Variants in PSMG4 observed in about 807,000 individuals in gnomAD.
The protein encoded by PSMG4 is proteasome assembly chaperone 4.
Under a neutral mutation model 11.0 loss-of-function variants are expected in PSMG4, and 10 were observed. The ratio of observed to expected loss-of-function variants is 0.91; its 90% confidence interval spans 0.56 to 1.54. The LOEUF (loss-of-function observed/expected upper bound fraction) is 1.54, where lower values mean the gene tolerates loss of function less well. PSMG4 is among the 40% of genes most tolerant of loss of function. PSMG4 has a pLI of 0.00. For missense variants in PSMG4, 198 were observed against 160.9 expected, an observed-to-expected ratio of 1.23 and a Z score of -1.25; for synonymous variants, 95 against 71.3, an observed-to-expected ratio of 1.33 and a Z score of -1.68.
At chr6:3,260,474 A>G (rs1757948423) in intron 1 of PSMG4, among the ~76,000 whole-genome samples, 1 of 151,590 alleles carries the variant, frequency 6.6e-6, no homozygotes, top group South Asian at 2.1e-4. Flanking sequence ...GTTTCAGTAG[A>G]GCTGAGGTTT....
At chr6:3,254,805 C>G (rs1347937482), upstream of PSMG4, among the ~76,000 whole-genome samples, 2 of 152,190 alleles carry the variant, frequency 1.3e-5, no homozygotes, top group Non-Finnish European at 2.9e-5. Flanking sequence ...GTCAGAGCAA[C>G]AAGACACCAA....
At chr6:3,260,275 T>TTTTATATATATA (rs1261021278) in intron 1 of PSMG4, among the ~76,000 whole-genome samples, 3 of 69,096 alleles carry the variant, frequency 4.3e-5, no homozygotes, top group African/African-American at 1.9e-4. Flanking sequence ...TTGTCTTAAA[T>TTTTATATATATA]TGTATATATA....
chr6:3,254,975 G>A (rs1334382227), upstream of PSMG4: 9 of 1,422,186 alleles, frequency 6.3e-6, no homozygotes, highest in Non-Finnish European at 8.4e-6. Context: ...ATGTGATGTG[G>A]CTGTGGATCC....
At chr6:3,261,505 C>T (rs1232846241) in intron 1 of PSMG4, among the ~76,000 whole-genome samples, 1 of 152,184 alleles carries the variant, frequency 6.6e-6, no homozygotes, top group Non-Finnish European at 1.5e-5. Context: ...TCACCCGACC[C>T]CATGGTGGTC....
chr6:3,267,501 C>T, intron 2 of PSMG4, 90 bp from the exon 3 acceptor site: 1 of 1,446,988 alleles, frequency 6.9e-7, no homozygotes, highest in Non-Finnish European at 9.3e-7. Context: ...CATCCTCTTT[C>T]TGAGCATTTC....
At chr6:3,258,170 C>T (rs375356598), upstream of PSMG4, among the ~76,000 whole-genome samples, 50 of 74,184 alleles carry the variant, frequency 6.7e-4, 1 homozygote, top group East Asian at 0.013. Context: ...ATAGGTATGA[C>T]AATGGGATGA....
chr6:3,259,468 C>T (rs1428109689), intron 1 of PSMG4, among the ~76,000 whole-genome samples: 1 of 152,374 alleles, frequency 6.6e-6, no homozygotes, highest in South Asian at 2.1e-4. Flanking sequence ...TTGGGTCTGT[C>T]CTCGCCACAC....
rs185733665 is a variant in PSMG4, at chr6:3,260,640, C to T, written c.174+1444C>T. Among the ~76,000 whole-genome samples, 30 of 152,164 alleles carry T rather than the reference C, an allele frequency of 2.0e-4. 1 individual carries two copies. The highest frequency in any genetic ancestry group is 2.0e-3 in the Admixed American group (30 of 15,282). The stretch of plus-strand genomic sequence containing the variant: ...ATAGGCGTTAGCCGCCGCGCCTGGT[C>T]TAAATTACATCTTATTTACATCTGC... On this transcript the variant is annotated intron_variant, in intron 1 of 2. Coordinates refer to ENST00000438998, the MANE Select transcript of PSMG4 (RefSeq NM_001128591.2).
Position 3,267,500 on chromosome 6 carries a change from T to C in PSMG4, c.251-91T>C, listed in dbSNP as rs796106000. On this transcript the variant is annotated intron_variant, in intron 2 of 2. Transcript: ENST00000438998. ...TTTCTCCCTACAACCCCATCCTCTT[T>C]CTGAGCATTTCCCAGCTGCACGTGG... 1.7e-5 allele frequency: 24 copies of C among 1,443,190 alleles called. No homozygotes were observed. The African/African-American group carries it at 2.7e-4, about 16-fold the overall frequency. The allele number at this position is 1,443,190 out of a possible 1,614,324, so 89.4% of individuals were successfully genotyped here.
intron 1 of PSMG4, among the ~76,000 whole-genome samples, chr6:3,261,139 A>G (rs1757975178): frequency 6.6e-6 from 1 of 152,244 alleles, no homozygotes; most frequent in African/African-American, 2.4e-5. Context: ...GCAGGAAGTC[A>G]TGGGTGAGCC....
chr6:3,258,756 G>A (rs970141687), upstream of PSMG4: 29 of 326,766 alleles, frequency 8.9e-5, no homozygotes, highest in African/African-American at 5.8e-4. Context: ...TCCCCAGCCC[G>A]TCCAGAGAGG....
chr6:3,267,197 C>A, intron 2 of PSMG4: 1 of 151,432 alleles, frequency 6.6e-6, no homozygotes, highest in Non-Finnish European at 1.5e-5. Context: ...TAAATCAAAA[C>A]ACCAGAAACC....
chr6:3,267,781 A>T lies in PSMG4; in HGVS notation c.*69A>T. 6.8e-7 allele frequency: 1 copy of T among 1,478,250 alleles called. No homozygotes were observed. The highest frequency in any genetic ancestry group is 2.5e-5 in the East Asian group (1 of 39,814). 91.6% of individuals were successfully genotyped at this position (1,478,250 alleles called of 1,614,324 possible). On this transcript the variant is annotated 3_prime_UTR_variant, in exon 3 of 3. Transcript: ENST00000438998. ...CGTGTAAATAAATGGATTGAATTTCAGTTTGTCATCAGGCCGCGCTCCCGT... is the reference window on the plus strand; with the variant it reads ...CGTGTAAATAAATGGATTGAATTTCTGTTTGTCATCAGGCCGCGCTCCCGT...
At chr6:3,255,521 C>T (rs1226498337), upstream of PSMG4, among the ~76,000 whole-genome samples, 1 of 152,226 alleles carries the variant, frequency 6.6e-6, no homozygotes, top group African/African-American at 2.4e-5. Flanking sequence ...TTCCCCACTG[C>T]CCATGAGTCT....
intron 1 of PSMG4, among the ~76,000 whole-genome samples, chr6:3,260,875 C>T (rs1472103277): frequency 1.3e-5 from 2 of 152,248 alleles, no homozygotes; most frequent in Non-Finnish European, 2.9e-5. Flanking sequence ...ACTCCAGTGA[C>T]CTTCGGGCTC....
At chr6:3,256,671 G>A (rs1488141385), upstream of PSMG4, among the ~76,000 whole-genome samples, 1 of 152,202 alleles carries the variant, frequency 6.6e-6, no homozygotes, top group East Asian at 1.9e-4. Context: ...ATAGTGTAAG[G>A]TGAATACCGC....
chr6:3,254,405 G>C (rs1757659934), upstream of PSMG4, among the ~76,000 whole-genome samples: 1 of 152,188 alleles, frequency 6.6e-6, no homozygotes, highest in South Asian at 2.1e-4. Flanking sequence ...CCTGCTGTTG[G>C]TGGCACATCT....
chr6:3,255,352 C>T (rs1466464999), upstream of PSMG4: 2 of 1,447,808 alleles, frequency 1.4e-6, no homozygotes, highest in Non-Finnish European at 1.8e-6. Flanking sequence ...TATGTAGTTG[C>T]TTAATTTTTC....
intron 2 of PSMG4, chr6:3,267,384 T>C (rs9328156): frequency 0.85 from 354,585 of 415,698 alleles, 152,008 homozygotes; most frequent in Non-Finnish European, 0.87. Flanking sequence ...TTCAGAACCC[T>C]GGGTCTGGTG....
Sources: gnomAD v4.1 joint callset for allele counts (sites outside exome capture counted in the v4.1 genomes callset) on GRCh38, gnomAD v4.1.1 for gene constraint, MANE v1.5 for transcripts, NCBI Gene and HGNC (gene_info 2026-07-23, HGNC 2026-07-21) for gene names.